KCNH7: variants seen among roughly 807,000 people sequenced by gnomAD.
The protein encoded by KCNH7 is voltage-gated inwardly rectifying potassium channel KCNH7.
KCNH7 carries 49 observed loss-of-function variants against 120.8 expected under a neutral mutation model. The observed-to-expected ratio is 0.41, with a 90% CI of 0.32 to 0.51. The LOEUF is 0.51. KCNH7 is among the 20% of genes least tolerant of loss of function. KCNH7 has a pLI of 0.38. For synonymous variants in KCNH7, 547 were observed against 516.1 expected, an observed-to-expected ratio of 1.06 and a Z score of -0.81; for missense variants, 1,097 against 1,446.6, an observed-to-expected ratio of 0.76 and a Z score of 3.92.
At chr2:162,386,854 G>C (rs1273764025) in intron 12 of KCNH7, among the ~76,000 whole-genome samples, 1 of 151,594 alleles carries the variant, frequency 6.6e-6, no homozygotes, top group African/African-American at 2.4e-5. Context: ...TACTAACTTT[G>C]GCTTGATTTT....
At chr2:162,541,194 G>A (rs756118238) in intron 2 of KCNH7, among the ~76,000 whole-genome samples, 1 of 152,054 alleles carries the variant, frequency 6.6e-6, no homozygotes, top group Non-Finnish European at 1.5e-5. Flanking sequence ...CTGAAGTTAA[G>A]TTCAGGGATT....
At chr2:162,442,586 CA>C (rs1688458147) in intron 7 of KCNH7, among the ~76,000 whole-genome samples, 2 of 152,060 alleles carry the variant, frequency 1.3e-5, no homozygotes, top group Non-Finnish European at 2.9e-5. Context: ...GGGCCGGGCA[CA>C]CTGGCTCACG....
intron 5 of KCNH7, among the ~76,000 whole-genome samples, chr2:162,505,430 C>A (rs965025695): frequency 1.3e-5 from 2 of 151,852 alleles, no homozygotes; most frequent in African/African-American, 2.4e-5. Flanking sequence ...CAAGTGACCA[C>A]AGCTAGGTAA....
chr2:162,389,761 C>T (rs1355159639), intron 12 of KCNH7, among the ~76,000 whole-genome samples: 1 of 152,028 alleles, frequency 6.6e-6, no homozygotes, highest in East Asian at 1.9e-4. Context: ...CTACTCATGA[C>T]TTGGCACAAA....
chr2:162,753,472 G>A (rs1356761234), intron 2 of KCNH7, among the ~76,000 whole-genome samples: 1 of 152,104 alleles, frequency 6.6e-6, no homozygotes, highest in Non-Finnish European at 1.5e-5. Context: ...TCTGAATCAT[G>A]AGAAAAAATT....
intron 2 of KCNH7, among the ~76,000 whole-genome samples, chr2:162,593,626 G>T (rs1394987265): frequency 6.6e-6 from 1 of 151,956 alleles, no homozygotes; most frequent in South Asian, 2.1e-4. Context: ...GTGATAATAT[G>T]TTTTATTCAT....
At chr2:162,768,397 T>C (rs1049826038) in intron 2 of KCNH7, among the ~76,000 whole-genome samples, 5 of 152,168 alleles carry the variant, frequency 3.3e-5, no homozygotes, top group African/African-American at 1.2e-4. Context: ...CCCAACAGCA[T>C]CGATCATCTA....
chr2:162,492,811 T>G (rs1690352696), intron 6 of KCNH7, among the ~76,000 whole-genome samples: 2 of 145,102 alleles, frequency 1.4e-5, no homozygotes, highest in South Asian at 4.5e-4. Context: ...AAAATGGATC[T>G]CCAAGCTATA....
At chr2:162,559,876 A>G (rs148838213) in intron 2 of KCNH7, among the ~76,000 whole-genome samples, 1 of 152,342 alleles carries the variant, frequency 6.6e-6, no homozygotes, top group African/African-American at 2.4e-5. Context: ...GGAGTTCTGA[A>G]TTATGTGAGC....
intron 2 of KCNH7, among the ~76,000 whole-genome samples, chr2:162,547,064 C>G (rs947558125): frequency 6.6e-6 from 1 of 152,128 alleles, no homozygotes; most frequent in African/African-American, 2.4e-5. Flanking sequence ...CCTCAGGAAA[C>G]TTACAATCTT....
rs79668528 is a variant in KCNH7, at chr2:162,719,375, T to G, written c.307+117162A>C. 2.0e-5 allele frequency among the ~76,000 whole-genome samples: 3 copies of G among 152,068 alleles called. No homozygotes were observed. The East Asian group carries it at 5.8e-4, about 29-fold the overall frequency. ...ATTAGCTGCAGGGTTTTTTCATTTG[T>G]TTATTCTTGCTGAATGACATGTAAT... On this transcript the variant is annotated intron_variant, in intron 2 of 15. Transcript: ENST00000332142.
In KCNH7 at chr2:162,838,527, C is replaced by G; in HGVS notation, c.-9G>C. ...CCCCTGCGCACAGGCATGTTGGCCC[C>G]GGTCTTCCGAGGAGCGCTCCCCCGG... On this transcript the variant is annotated 5_prime_UTR_variant, in exon 1 of 16. Transcript: ENST00000332142. 6.2e-7 allele frequency: 1 copy of G among 1,610,306 alleles called. No homozygotes were observed. The highest frequency in any genetic ancestry group is 1.1e-5 in the South Asian group (1 of 90,974).
intron 2 of KCNH7, among the ~76,000 whole-genome samples, chr2:162,560,509 G>T (rs1379353585): frequency 6.6e-6 from 1 of 152,146 alleles, no homozygotes; most frequent in Non-Finnish European, 1.5e-5. Flanking sequence ...GGCATCCAGG[G>T]TTAAAAAGGG....
chr2:162,512,709 T>C (rs374848355), intron 4 of KCNH7, 35 bp from the exon 5 acceptor site: 1 of 1,569,590 alleles, frequency 6.4e-7, no homozygotes. Context: ...AAAAGAGAAA[T>C]ATAAAAAGAA....
chr2:162,578,596 C>G (rs1407016854), intron 2 of KCNH7, among the ~76,000 whole-genome samples: 2 of 151,936 alleles, frequency 1.3e-5, no homozygotes, highest in Non-Finnish European at 2.9e-5. Flanking sequence ...GCTTAGATGA[C>G]AGTGAAAAAG....
At chr2:162,723,361 A>G (rs1310853161) in intron 2 of KCNH7, among the ~76,000 whole-genome samples, 2 of 152,176 alleles carry the variant, frequency 1.3e-5, no homozygotes, top group East Asian at 1.9e-4. Context: ...GGAGTTGTGC[A>G]TGTACATTGC....
Position 162,500,012 on chromosome 2 carries a change from T to G in KCNH7, c.1128+4431A>C, listed in dbSNP as rs545540439. Among the ~76,000 whole-genome samples the G allele has an allele frequency of 1.3e-4, 19 of 151,996 alleles. No homozygotes were observed. In the South Asian group the frequency reaches 1.5e-3, roughly 12 times the overall value. ...AAATACTTTACATTGCACTGTAAAG[T>G]CAATGTACTGTACTTCTCTACTTCC... On this transcript the variant is annotated intron_variant, in intron 6 of 15. Transcript: ENST00000332142.
At position 162,435,500 on chromosome 2, in the gene KCNH7, A is replaced by G; in HGVS notation, c.1652T>C (p.Val551Ala). 6.2e-7 allele frequency: 1 copy of G among 1,613,784 alleles called. No individual in the cohort carries two copies. Among genetic ancestry groups the G allele is most frequent in the Non-Finnish European group, 8.5e-7 (1 of 1,179,828 alleles). Residue 551 changes from valine (V) to alanine (A), a missense_variant, in exon 8 of 16, where the codon GTT becomes GCT. This residue lies in a region of KCNH7 where 109 missense variants were observed against 196.8 expected (regional missense o/e 0.55). Transcript: ENST00000332142. ...LDRYSEYGAAVLMLLMCIFAL... is the reference protein window; with the variant it reads ...LDRYSEYGAAALMLLMCIFAL... ...AAAGATGCACATTAAGAGCATTAGA[A>G]CAGCAGCGCCATATTCTGAATATCG...
At chr2:162,544,771 A>T (rs1330025558) in intron 2 of KCNH7, among the ~76,000 whole-genome samples, 2 of 152,060 alleles carry the variant, frequency 1.3e-5, no homozygotes, top group Non-Finnish European at 2.9e-5. Flanking sequence ...AGGCAGCAAG[A>T]CACCATCTAT....
Sources: gnomAD v4.1 joint callset for allele counts (sites outside exome capture counted in the v4.1 genomes callset) on GRCh38, gnomAD v4.1.1 for gene constraint, gnomAD v4.1.1 regional missense constraint, MANE v1.5 for transcripts, NCBI Gene and HGNC (gene_info 2026-07-23, HGNC 2026-07-21) for gene names.